The following HERC4 variants were observed in gnomAD, a reference collection of about 807,000 sequenced individuals.
HERC4 encodes the protein probable E3 ubiquitin-protein ligase HERC4.
In HERC4, 28 loss-of-function variants were observed where a neutral mutation model predicts 124.3. That is an observed-to-expected ratio of 0.23 (90% CI 0.17 to 0.31). The LOEUF (loss-of-function observed/expected upper bound fraction) is 0.31. HERC4 is among the 10% of genes least tolerant of loss of function. HERC4 has a pLI of 1.00. For missense variants in HERC4, 713 were observed against 1,229.3 expected (o/e 0.58, Z 6.28); for synonymous variants, 407 against 421.5 (o/e 0.97, Z 0.42).
chr10:68,016,774 C>A (rs554106043), intron 8 of HERC4, among the ~76,000 whole-genome samples: 1 of 152,114 alleles, frequency 6.6e-6, no homozygotes, highest in South Asian at 2.1e-4. Flanking sequence ...ATTTTACCCC[C>A]GATCCAACAG....
At chr10:67,952,408 C>T (rs1589164696) in intron 19 of HERC4, among the ~76,000 whole-genome samples, 2 of 151,826 alleles carry the variant, frequency 1.3e-5, no homozygotes, top group South Asian at 2.1e-4. Context: ...CTCAGCTTTC[C>T]GAGTAGCTGG....
chr10:68,025,646 C>T lies in HERC4; in HGVS notation c.808G>A (p.Gly270Arg). 1.2e-6 allele frequency: 2 copies of T among 1,613,334 alleles called. No individual in the cohort carries two copies. The change falls in exon 8 of 25, where the codon GGG becomes AGG. Residue 270 changes from glycine to arginine, a missense_variant. Transcript: ENST00000373700. Reference sequence around the variant, plus strand: ...GAATTATGGCCCAACTGACCATACCCTCCAGCTCCAAAAGTAAACACTCCA... The same window carrying T: ...GAATTATGGCCCAACTGACCATACCTTCCAGCTCCAAAAGTAAACACTCCA... ...EGGVFTFGAG[G>R]YGQLGHNSTS...
At chr10:68,006,924 G>C (rs2037603523) in intron 9 of HERC4, among the ~76,000 whole-genome samples, 1 of 151,924 alleles carries the variant, frequency 6.6e-6, no homozygotes, top group Admixed American at 6.6e-5. Context: ...CTGACCTTTG[G>C]GAGTTTGATT....
intron 22 of HERC4, among the ~76,000 whole-genome samples, chr10:67,933,608 AG>A (rs2032051980): frequency 6.6e-6 from 1 of 152,166 alleles, no homozygotes; most frequent in South Asian, 2.1e-4. Context: ...TTCAGAACCA[AG>A]TTTTTTTTTA....
At chr10:68,045,247 T>C (rs186387933) in intron 3 of HERC4, among the ~76,000 whole-genome samples, 462 of 152,280 alleles carry the variant, frequency 3.0e-3, no homozygotes, top group Middle Eastern at 0.014. Context: ...CGCTTGAATC[T>C]GGGAGATGGA....
chr10:68,058,348 A>G (rs1266175811), intron 3 of HERC4, among the ~76,000 whole-genome samples: 3 of 152,220 alleles, frequency 2.0e-5, no homozygotes, highest in African/African-American at 7.2e-5. Context: ...TGTTGAATAA[A>G]TGTCTGAACT....
chr10:68,047,688 A>G (rs1031265728), intron 3 of HERC4, among the ~76,000 whole-genome samples: 1 of 152,144 alleles, frequency 6.6e-6, no homozygotes, highest in Non-Finnish European at 1.5e-5. Context: ...ATACCACTAC[A>G]CACCTATTAG....
rs115998381 is a variant in HERC4 at position 67,943,894 on chromosome 10, T to G, written c.2338-2789A>C. ...ATGGGGCCTGTAGAGTGGGAACAAT[T>G]TTGCCTTGTGGCTTGGATGCCAGCA... is the stretch of plus-strand genomic sequence containing the variant. On this transcript the variant is annotated intron_variant, in intron 19 of 24. Coordinates refer to ENST00000373700, the MANE Select transcript of HERC4 (RefSeq NM_015601.4). 6.1e-3 allele frequency among the ~76,000 whole-genome samples: 928 copies of G among 152,328 alleles called. 13 individuals carry two copies. Among genetic ancestry groups the G allele is most frequent in the African/African-American group, 0.021 (864 of 41,566 alleles).
intron 15 of HERC4, among the ~76,000 whole-genome samples, chr10:67,970,213 G>C (rs1014849704): frequency 6.6e-6 from 1 of 152,130 alleles, no homozygotes; most frequent in Non-Finnish European, 1.5e-5. Flanking sequence ...GATAGTAGAG[G>C]TGTACCAATT....
intron 23 of HERC4, among the ~76,000 whole-genome samples, chr10:67,927,981 G>C (rs2031332755): frequency 6.6e-6 from 1 of 152,160 alleles, no homozygotes; most frequent in Admixed American, 6.5e-5. Flanking sequence ...GTGCAGGAGA[G>C]AGGTTTGCAA....
intron 19 of HERC4, among the ~76,000 whole-genome samples, 189 bp from the exon 20 acceptor site, chr10:67,941,294 A>T (rs2032863431): frequency 1.3e-5 from 2 of 152,212 alleles, no homozygotes; most frequent in African/African-American, 4.8e-5. Context: ...TCCATGTAGC[A>T]TATTTTCTCA....
At chr10:68,029,382 C>T (rs912466762) in intron 7 of HERC4, among the ~76,000 whole-genome samples, 1 of 151,970 alleles carries the variant, frequency 6.6e-6, no homozygotes, top group Non-Finnish European at 1.5e-5. Context: ...GTCCCAGGTA[C>T]TCAGGAGGCT....
chr10:67,973,439 A>G (rs1291602122), intron 15 of HERC4, among the ~76,000 whole-genome samples: 1 of 152,220 alleles, frequency 6.6e-6, no homozygotes, highest in Non-Finnish European at 1.5e-5. Context: ...AATTAGAATA[A>G]GTGTTCATCA....
chr10:67,989,814 G>A (rs1421871225), intron 14 of HERC4, among the ~76,000 whole-genome samples: 1 of 151,918 alleles, frequency 6.6e-6, no homozygotes, highest in Non-Finnish European at 1.5e-5. Flanking sequence ...GCAAGTGAAG[G>A]AAACACAAGA....
At chr10:68,072,463 C>A (rs1202291567) in intron 3 of HERC4, among the ~76,000 whole-genome samples, 1 of 151,984 alleles carries the variant, frequency 6.6e-6, no homozygotes, top group African/African-American at 2.4e-5. Flanking sequence ...ATATTTTAGG[C>A]AAGCAAGTCA....
chr10:67,933,060 T>C (rs1384355705), intron 22 of HERC4, among the ~76,000 whole-genome samples: 2 of 152,108 alleles, frequency 1.3e-5, no homozygotes, highest in African/African-American at 4.8e-5. Flanking sequence ...ATGATGCAAA[T>C]GGCTATGAAA....
chr10:67,992,797 G>C (rs2036620867), intron 9 of HERC4, 115 bp from the exon 10 acceptor site: 1 of 611,104 alleles, frequency 1.6e-6, no homozygotes, highest in African/African-American at 1.9e-5. Context: ...TCCCATTCAT[G>C]GACTTCATGG....
rs1255340079 is a variant in HERC4, at chr10:67,932,693, C to T, written c.2742G>A (p.Lys914=). The T allele has an allele frequency of 1.2e-6, 2 of 1,604,792 alleles. No homozygotes were observed. The highest frequency in any genetic ancestry group is 1.3e-5 in the African/African-American group (1 of 74,274). Residue 914 remains lysine, a synonymous_variant, in exon 23 of 25, where the codon AAG becomes AAA. Coordinates refer to ENST00000373700, the MANE Select transcript of HERC4 (RefSeq NM_015601.4). ...GCAGAAGGACTTTTCCTCCACAGAC[C>T]TTATGAAAGCCCGCATGAAAAGCAT... The part of the protein sequence containing the change: ...LFDAFHAGFH[K]VCGGKVLLLF...
chr10:67,999,124 TG>T (rs1461081078), intron 9 of HERC4, among the ~76,000 whole-genome samples: 8 of 152,208 alleles, frequency 5.3e-5, no homozygotes, highest in African/African-American at 9.6e-5. Context: ...TGTGTATACC[TG>T]GTATGTTAGA....
Sources: allele counts gnomAD v4.1 joint callset (sites outside exome capture counted in the v4.1 genomes callset), GRCh38; gene constraint gnomAD v4.1.1; transcripts MANE v1.5; gene names NCBI Gene and HGNC (gene_info 2026-07-23, HGNC 2026-07-21).